FMNL2: variants seen among roughly 807,000 people sequenced by gnomAD.
FMNL2 encodes formin like 2.
Under a neutral mutation model 130.2 loss-of-function variants are expected in FMNL2, and 51 were observed. That is an observed-to-expected ratio of 0.39 (90% CI 0.31 to 0.49). The LOEUF is 0.49. FMNL2 is among the 20% of genes least tolerant of loss of function. The probability of loss-of-function intolerance (pLI) is 0.85; values close to 1 mark genes in which losing one functional copy is unlikely to be tolerated. For missense variants in FMNL2, 977 were observed against 1,316.2 expected, an observed-to-expected ratio of 0.74 and a Z score of 3.99; for synonymous variants, 465 against 467.1, an observed-to-expected ratio of 1.00 and a Z score of 0.06.
chr2:152,499,153 A>G (rs998537958), intron 1 of FMNL2, among the ~76,000 whole-genome samples: 1 of 152,222 alleles, frequency 6.6e-6, no homozygotes, highest in Admixed American at 6.5e-5. Flanking sequence ...TGGGGAGTCA[A>G]AGTCCCAGTG....
intron 1 of FMNL2, among the ~76,000 whole-genome samples, chr2:152,487,597 A>C (rs1343752234): frequency 1.3e-5 from 2 of 152,224 alleles, no homozygotes; most frequent in Admixed American, 1.3e-4. Context: ...TTCTTCCCTT[A>C]GTTCTTGAGT....
At chr2:152,584,643 A>AT (rs536193407) in intron 9 of FMNL2, among the ~76,000 whole-genome samples, 20 of 152,246 alleles carry the variant, frequency 1.3e-4, no homozygotes, top group Non-Finnish European at 1.6e-4. Context: ...ATGTAGCAGG[A>AT]TTTTTCCCCC....
In FMNL2 at chr2:152,563,457, A is replaced by G. The variant is rs1247242478; in HGVS notation, c.596+2422A>G. Among the ~76,000 whole-genome samples, 4 of 152,180 alleles carry G rather than the reference A, an allele frequency of 2.6e-5. No homozygotes were observed. The East Asian group carries it at 7.7e-4, about 29-fold the overall frequency. ...TTTTGTTTTGTTTTTTAAACAATGT[A>G]TATCAATAGTTTTCCAGCTCTTGTG... On this transcript the variant is annotated intron_variant, in intron 6 of 25. Transcript: ENST00000288670.
chr2:152,384,285 T>C (rs1684660376), intron 1 of FMNL2, among the ~76,000 whole-genome samples: 1 of 152,216 alleles, frequency 6.6e-6, no homozygotes, highest in African/African-American at 2.4e-5. Context: ...TTACTTAAGT[T>C]GTACTTACAC....
At chr2:152,591,022 T>C (rs1296513538) in intron 9 of FMNL2, among the ~76,000 whole-genome samples, 17 of 99,162 alleles carry the variant, frequency 1.7e-4, no homozygotes, top group African/African-American at 7.3e-4. Context: ...TTTTTTTTTT[T>C]TTGAGACAGC....
chr2:152,638,905 G>A (rs1682847481), intron 23 of FMNL2, among the ~76,000 whole-genome samples: 1 of 152,230 alleles, frequency 6.6e-6, no homozygotes, highest in Non-Finnish European at 1.5e-5. Flanking sequence ...AGACAGGTTG[G>A]GAAGTGGCTG....
intron 12 of FMNL2, among the ~76,000 whole-genome samples, chr2:152,616,059 A>G (rs751818595): frequency 1.3e-5 from 2 of 152,146 alleles, no homozygotes; most frequent in Non-Finnish European, 2.9e-5. Context: ...GCTGAACCCA[A>G]TCAGTGTAAA....
At chr2:152,601,136 G>T (rs1411009647) in intron 9 of FMNL2, among the ~76,000 whole-genome samples, 5 of 151,956 alleles carry the variant, frequency 3.3e-5, no homozygotes, top group Non-Finnish European at 7.4e-5. Flanking sequence ...AGAAGATCTG[G>T]ATAGTGAGGG....
intron 10 of FMNL2, among the ~76,000 whole-genome samples, chr2:152,608,555 T>TA (rs1698513119): frequency 1.3e-5 from 2 of 148,666 alleles, no homozygotes; most frequent in South Asian, 4.2e-4. Flanking sequence ...TATACATATA[T>TA]ATGTATATAT....
chr2:152,550,834 A>G (rs1042356513), intron 4 of FMNL2, among the ~76,000 whole-genome samples: 1 of 152,130 alleles, frequency 6.6e-6, no homozygotes, highest in African/African-American at 2.4e-5. Context: ...GATTTCTACA[A>G]ATTGTCAAAA....
chr2:152,395,198 G>A (rs1453083308), intron 1 of FMNL2, among the ~76,000 whole-genome samples: 9 of 152,182 alleles, frequency 5.9e-5, no homozygotes, highest in African/African-American at 9.7e-5. Context: ...TATTTCCAGA[G>A]TGTTCTTTCA....
At chr2:152,483,395 A>G (rs1690639609) in intron 1 of FMNL2, among the ~76,000 whole-genome samples, 2 of 152,246 alleles carry the variant, frequency 1.3e-5, no homozygotes, top group South Asian at 2.1e-4. Context: ...AAATAAAGTG[A>G]CAGAAATCTA....
At chr2:152,381,754 G>A (rs908124646) in intron 1 of FMNL2, among the ~76,000 whole-genome samples, 1 of 151,986 alleles carries the variant, frequency 6.6e-6, no homozygotes, top group African/African-American at 2.4e-5. Flanking sequence ...TAAATGTACT[G>A]CTTTAAGAAA....
chr2:152,632,873 A>G (rs1682270722), intron 21 of FMNL2, among the ~76,000 whole-genome samples: 4 of 152,180 alleles, frequency 2.6e-5, no homozygotes, highest in Admixed American at 2.6e-4. Context: ...TGATTCTCAA[A>G]TTGTGATATC....
intron 16 of FMNL2, among the ~76,000 whole-genome samples, chr2:152,626,107 G>A (rs1396617236): frequency 6.6e-6 from 1 of 151,880 alleles, no homozygotes; most frequent in Non-Finnish European, 1.5e-5. Context: ...GCGCAACCTC[G>A]GCTCACTGCA....
At chr2:152,580,685 C>T (rs1430467178) in intron 8 of FMNL2, among the ~76,000 whole-genome samples, 2 of 152,128 alleles carry the variant, frequency 1.3e-5, no homozygotes, top group South Asian at 4.1e-4. Context: ...GATGATAGGT[C>T]TAAGAGATTA....
At chr2:152,553,530 C>T (rs1695045244) in intron 4 of FMNL2, among the ~76,000 whole-genome samples, 1 of 148,928 alleles carries the variant, frequency 6.7e-6, no homozygotes, top group Admixed American at 6.6e-5. Context: ...ACTAAACCAG[C>T]AATTCTCACA....
intron 1 of FMNL2, among the ~76,000 whole-genome samples, chr2:152,461,478 G>C (rs890824643): frequency 6.6e-6 from 1 of 151,942 alleles, no homozygotes; most frequent in African/African-American, 2.4e-5. Flanking sequence ...ATAAAATTTA[G>C]AGTCAAAAAA....
At chr2:152,578,770 A>G (rs577830208) in intron 7 of FMNL2, 118 bp from the exon 8 acceptor site, 16 of 690,550 alleles carry the variant, frequency 2.3e-5, no homozygotes, top group Non-Finnish European at 3.6e-5. Context: ...GTGCATTTAT[A>G]ATGGTGTAAG....
Sources: gnomAD v4.1 joint callset for allele counts (sites outside exome capture counted in the v4.1 genomes callset) on GRCh38, gnomAD v4.1.1 for gene constraint, MANE v1.5 for transcripts, NCBI Gene and HGNC (gene_info 2026-07-23, HGNC 2026-07-21) for gene names.